Variants in EIF2S3 observed in about 807,000 individuals in gnomAD.
EIF2S3 encodes the protein eukaryotic translation initiation factor 2 subunit 3.
In EIF2S3, 2 loss-of-function variants were observed where a neutral mutation model predicts 31.7. The observed-to-expected ratio is 0.06, with a 90% CI of 0.03 to 0.20. The LOEUF is 0.20. EIF2S3 is among the 10% of genes least tolerant of loss of function. The pLI is 1.00. For missense variants in EIF2S3, 96 were observed against 359.3 expected (o/e 0.27, Z 5.92); for synonymous variants, 120 against 126.7 (o/e 0.95, Z 0.36).
intron 11 of EIF2S3, among the ~76,000 whole-genome samples, chrX:24,073,878 T>G (rs1930711053): frequency 8.9e-6 from 1 of 112,331 alleles, no homozygotes. Flanking sequence ...AGAAAACTCC[T>G]CTATAGCTTT....
chrX:24,060,746 G>A (rs1015946241), intron 5 of EIF2S3, among the ~76,000 whole-genome samples: 1 of 108,816 alleles, frequency 9.2e-6, no homozygotes, highest in East Asian at 2.9e-4. Flanking sequence ...CGGATCACCT[G>A]AGGTCAGGAG....
chrX:24,062,256 G>A (rs1306750417), intron 5 of EIF2S3, among the ~76,000 whole-genome samples, 160 bp from the exon 6 acceptor site: 2 of 110,731 alleles, frequency 1.8e-5, no homozygotes, highest in African/African-American at 3.3e-5. Context: ...TTGTATCACC[G>A]CAAAAGGAAA....
rs1035645440 is a variant in EIF2S3 at position 24,055,688 on chromosome X, A to G, written c.133+10A>G. The G allele has an allele frequency of 1.7e-6, 2 of 1,205,950 alleles. No homozygotes were observed. Among genetic ancestry groups the G allele is most frequent in the Admixed American group, 2.2e-5 (1 of 45,748 alleles). ...GCCACAATTAACATAGGTAAGAGTAACTTAAGAGACCTAACCTTGGTCTCC... is the reference window on the plus strand; with the variant it reads ...GCCACAATTAACATAGGTAAGAGTAGCTTAAGAGACCTAACCTTGGTCTCC... On this transcript the variant is annotated intron_variant, in intron 2 of 11. Transcript: ENST00000253039.
rs768026518 is a variant in EIF2S3, at chrX:24,065,976, A to G, written c.773-22A>G. ...TCTAAAGTTAAGATTAACAGAACTG[A>G]CTTTAATTTGTTTTATTTTAGTTAT... is the stretch of plus-strand genomic sequence containing the variant. On this transcript the variant is annotated intron_variant, in intron 7 of 11. Coordinates refer to ENST00000253039, the MANE Select transcript of EIF2S3 (RefSeq NM_001415.4). 2.6e-6 allele frequency: 3 copies of G among 1,144,642 alleles called. No individual in the cohort carries two copies. In the Admixed American group the frequency reaches 6.9e-5, roughly 26 times the overall value. 94.3% of individuals were successfully genotyped at this position (1,144,642 alleles called of 1,213,427 possible). A position where few individuals can be genotyped will look rare whatever the true frequency, so the allele number is the denominator to read the frequency against.
chrX:24,055,780 A>T, intron 2 of EIF2S3, 102 bp downstream of exon 2: 2 of 815,082 alleles, frequency 2.5e-6, no homozygotes, highest in South Asian at 4.4e-5. Flanking sequence ...GATATTCAAG[A>T]AATAGATACT....
chrX:24,075,473 CAGTT>C (rs941821549), intron 11 of EIF2S3, among the ~76,000 whole-genome samples: 2 of 111,656 alleles, frequency 1.8e-5, no homozygotes, highest in Admixed American at 9.6e-5. Context: ...TTACACTTCA[CAGTT>C]AGTGCGAAAG....
intron 7 of EIF2S3, among the ~76,000 whole-genome samples, chrX:24,065,409 C>T (rs192521574): frequency 0.031 from 3,379 of 110,534 alleles, 72 homozygotes; most frequent in Admixed American, 0.083. Context: ...TTGCTTGAGG[C>T]TAGGAGTTCA....
chrX:24,072,542 G>T (rs1424876524), intron 10 of EIF2S3, among the ~76,000 whole-genome samples: 1 of 111,534 alleles, frequency 9.0e-6, no homozygotes, highest in Non-Finnish European at 1.9e-5. Context: ...CCCAGCCTCC[G>T]AAAATGCTGG....
chrX:24,065,394 G>A (rs768430713), intron 7 of EIF2S3, among the ~76,000 whole-genome samples: 119 of 111,057 alleles, frequency 1.1e-3, no homozygotes, highest in African/African-American at 3.8e-3. Context: ...GCTGAGGTGA[G>A]AGGATTGCTT....
intron 9 of EIF2S3, among the ~76,000 whole-genome samples, chrX:24,068,908 A>C (rs926582516): frequency 8.9e-6 from 1 of 111,889 alleles, no homozygotes; most frequent in Non-Finnish European, 1.9e-5. Context: ...CTTACAACTT[A>C]GTGTATTACT....
At chrX:24,062,734 A>G in intron 6 of EIF2S3, 160 bp downstream of exon 6, 1 of 466,283 alleles carries the variant, frequency 2.1e-6, no homozygotes, top group East Asian at 4.3e-5. Flanking sequence ...GTAACCTGAT[A>G]TAACTAATGA....
intron 8 of EIF2S3, among the ~76,000 whole-genome samples, chrX:24,067,308 G>T (rs770651451): frequency 4.5e-5 from 5 of 111,143 alleles, no homozygotes; most frequent in Non-Finnish European, 7.5e-5. Flanking sequence ...CAAAGTGCTG[G>T]GATTACAGGC....
intron 8 of EIF2S3, among the ~76,000 whole-genome samples, chrX:24,067,493 CTTT>C (rs11375396): frequency 3.6e-5 from 3 of 82,713 alleles, no homozygotes; most frequent in African/African-American, 1.4e-4. Context: ...TCGTTCACAT[CTTT>C]TTTTTTTTTT....
intron 8 of EIF2S3, 30 bp downstream of exon 8, chrX:24,066,122 G>A (rs878981365): frequency 2.1e-6 from 2 of 970,884 alleles, no homozygotes; most frequent in South Asian, 5.2e-5. Context: ...TTGTGATTTT[G>A]GGTTTTTTTT....
intron 8 of EIF2S3, among the ~76,000 whole-genome samples, chrX:24,067,405 A>T (rs1930593810): frequency 9.1e-6 from 1 of 109,476 alleles, no homozygotes; most frequent in Non-Finnish European, 1.9e-5. Flanking sequence ...ACTTGTAAGT[A>T]TGGAGCACAT....
At chrX:24,068,643 ACCGTGTTGC>A (rs1930614609) in intron 9 of EIF2S3, among the ~76,000 whole-genome samples, 1 of 110,890 alleles carries the variant, frequency 9.0e-6, no homozygotes, top group South Asian at 3.8e-4. Context: ...ACGGGGTTTC[ACCGTGTTGC>A]CCAGGCTGGT....
At chrX:24,072,462 T>C (rs1373308988) in intron 10 of EIF2S3, among the ~76,000 whole-genome samples, 1 of 110,369 alleles carries the variant, frequency 9.1e-6, no homozygotes, top group Admixed American at 9.8e-5. Flanking sequence ...TTTGTATTTT[T>C]TGTAGAGACG....
intron 4 of EIF2S3, among the ~76,000 whole-genome samples, 162 bp downstream of exon 4, chrX:24,057,916 C>G (rs1930428911): frequency 8.9e-6 from 1 of 112,539 alleles, no homozygotes; most frequent in Non-Finnish European, 1.9e-5. Context: ...AGTCAAGCAT[C>G]TAAACCTAAG....
At chrX:24,066,984 A>G (rs868529083) in intron 8 of EIF2S3, among the ~76,000 whole-genome samples, 7 of 111,689 alleles carry the variant, frequency 6.3e-5, no homozygotes, top group African/African-American at 2.3e-4. Flanking sequence ...GATGGATCAT[A>G]TGGTAGCTGT....
Sources: allele counts gnomAD v4.1 joint callset (sites outside exome capture counted in the v4.1 genomes callset), GRCh38; gene constraint gnomAD v4.1.1; transcripts MANE v1.5; gene names NCBI Gene and HGNC (gene_info 2026-07-23, HGNC 2026-07-21).